MTUS2: variants seen among roughly 807,000 people sequenced by gnomAD.
The protein encoded by MTUS2 is microtubule-associated tumor suppressor candidate 2.
Under a neutral mutation model 114.1 loss-of-function variants are expected in MTUS2, and 40 were observed. The observed-to-expected ratio is 0.35, with a 90% CI of 0.27 to 0.46. The LOEUF is 0.46. Among genes scored for constraint, MTUS2 ranks in the 20% least tolerant of loss-of-function variants. The probability of loss-of-function intolerance (pLI) is 1.00; values close to 1 mark genes in which losing one functional copy is unlikely to be tolerated. For missense variants in MTUS2, 1,679 were observed against 1,705.4 expected (o/e 0.98, Z 0.27); for synonymous variants, 688 against 672.0 (o/e 1.02, Z -0.37).
intron 7 of MTUS2, chr13:29,339,765 G>T: frequency 6.1e-6 from 1 of 164,816 alleles, no homozygotes. Flanking sequence ...AGGAGGGGCC[G>T]GGTGCGGACC....
intron 2 of MTUS2, among the ~76,000 whole-genome samples, chr13:28,892,343 T>C (rs565869602): frequency 2.0e-5 from 3 of 152,134 alleles, no homozygotes; most frequent in Admixed American, 6.5e-5. Context: ...CCTGAGGTCT[T>C]GGTAAGCATT....
chr13:28,901,656 ATTAG>A (rs1480807316), intron 2 of MTUS2, among the ~76,000 whole-genome samples: 16 of 152,184 alleles, frequency 1.1e-4, no homozygotes, highest in Non-Finnish European at 5.9e-5. Context: ...GTTATCAAAT[ATTAG>A]TTAGGCATAT....
In MTUS2 at chr13:29,445,093, A is replaced by G. The variant is rs533634646; in HGVS notation, c.3184+5044A>G. ...CTTCTAGAAGGTCTGTAGTTTGCAT[A>G]GTGCCCTCTACCAGAGACTTGACTT... is the stretch of plus-strand genomic sequence containing the variant. On this transcript the variant is annotated intron_variant, in intron 9 of 15. Coordinates refer to ENST00000612955, the MANE Select transcript of MTUS2 (RefSeq NM_001033602.4). 9.3e-4 allele frequency among the ~76,000 whole-genome samples: 142 copies of G among 152,346 alleles called. 7 individuals carry two copies. The South Asian group carries it at 0.027, about 29-fold the overall frequency.
intron 5 of MTUS2, among the ~76,000 whole-genome samples, chr13:29,142,672 C>CTCCA (rs1045559436): frequency 1.3e-5 from 2 of 152,174 alleles, no homozygotes; most frequent in African/African-American, 4.8e-5. Context: ...TGCCACTGTA[C>CTCCA]TCCAGCCTGG....
intron 6 of MTUS2, among the ~76,000 whole-genome samples, chr13:29,313,782 G>A (rs551634501): frequency 1.3e-5 from 2 of 152,202 alleles, no homozygotes; most frequent in Non-Finnish European, 2.9e-5. Context: ...CAACGCTGGG[G>A]AAAAGGAGAA....
intron 2 of MTUS2, among the ~76,000 whole-genome samples, chr13:28,947,949 T>A (rs561677199): frequency 6.6e-6 from 1 of 152,340 alleles, no homozygotes; most frequent in Admixed American, 6.5e-5. Flanking sequence ...AGTGGCTTGC[T>A]TGAGACTGTA....
At chr13:29,153,250 C>A (rs2139046600) in intron 5 of MTUS2, among the ~76,000 whole-genome samples, 1 of 152,278 alleles carries the variant, frequency 6.6e-6, no homozygotes, top group Admixed American at 6.5e-5. Flanking sequence ...TCCTGTTAAC[C>A]TACCATCAGG....
intron 12 of MTUS2, among the ~76,000 whole-genome samples, chr13:29,493,710 C>G (rs993623175): frequency 1.6e-4 from 25 of 152,236 alleles, no homozygotes; most frequent in African/African-American, 5.1e-4. Flanking sequence ...GAACCCCAGA[C>G]TGCCTTCCTC....
rs1383945115 is a variant in MTUS2, at chr13:29,389,717, ATACATACATATG to A, written c.3117+30246_3117+30257del. 1.6e-4 allele frequency among the ~76,000 whole-genome samples: 18 copies of A among 109,248 alleles called. 1 individual carries two copies. Among genetic ancestry groups the A allele is most frequent in the African/African-American group, 5.2e-4 (16 of 30,790 alleles). The allele number at this position is 109,248 out of a possible 152,430, so 71.7% of individuals were successfully genotyped here. On this transcript the variant is annotated intron_variant, in intron 8 of 15. Transcript: ENST00000612955. The stretch of plus-strand genomic sequence containing the variant: ...TATGTGTATATGTGTATATGTATAT[ATACATACATATG>A]TGTGTATATGTATATACATACATAT...
chr13:29,136,619 T>C (rs1486226900), intron 5 of MTUS2, among the ~76,000 whole-genome samples: 1 of 152,060 alleles, frequency 6.6e-6, no homozygotes, highest in Non-Finnish European at 1.5e-5. Flanking sequence ...TCTCAGGGAG[T>C]TTCTGGATAG....
intron 2 of MTUS2, among the ~76,000 whole-genome samples, chr13:28,856,427 G>T (rs998376295): frequency 1.9e-4 from 29 of 152,204 alleles, no homozygotes; most frequent in African/African-American, 6.8e-4. Flanking sequence ...TCCTGAGACT[G>T]CAGTTCATAG....
intron 2 of MTUS2, among the ~76,000 whole-genome samples, chr13:28,931,372 G>A (rs887249648): frequency 3.9e-5 from 6 of 152,192 alleles, no homozygotes; most frequent in South Asian, 2.1e-4. Flanking sequence ...CTGGTGGGAG[G>A]TGATTGGATC....
chr13:28,917,647 A>G (rs1005475440), intron 2 of MTUS2, among the ~76,000 whole-genome samples: 4 of 150,594 alleles, frequency 2.7e-5, no homozygotes, highest in Admixed American at 6.6e-5. Flanking sequence ...AAATTTGTCA[A>G]TTTTATTTAT....
intron 2 of MTUS2, among the ~76,000 whole-genome samples, chr13:28,902,152 C>A (rs1879682871): frequency 6.6e-6 from 1 of 152,098 alleles, no homozygotes; most frequent in Non-Finnish European, 1.5e-5. Context: ...CATATAGAGA[C>A]ATGATTGATA....
At chr13:29,216,835 A>G (rs933624792) in intron 5 of MTUS2, among the ~76,000 whole-genome samples, 8 of 152,168 alleles carry the variant, frequency 5.3e-5, no homozygotes, top group Non-Finnish European at 8.8e-5. Flanking sequence ...ATGGCTGTAC[A>G]ATTTACAGCT....
chr13:29,238,966 G>C (rs1297462600), intron 5 of MTUS2, among the ~76,000 whole-genome samples: 2 of 152,082 alleles, frequency 1.3e-5, no homozygotes, highest in Non-Finnish European at 2.9e-5. Context: ...GGGGTAAATG[G>C]GGAGATCTTG....
chr13:28,948,459 G>A (rs1882644448), intron 2 of MTUS2, among the ~76,000 whole-genome samples: 1 of 152,088 alleles, frequency 6.6e-6, no homozygotes, highest in Non-Finnish European at 1.5e-5. Context: ...GCTAGGCAGC[G>A]ACATTCTCTG....
At chr13:29,407,370 C>T (rs1009847491) in intron 8 of MTUS2, among the ~76,000 whole-genome samples, 15 of 152,086 alleles carry the variant, frequency 9.9e-5, no homozygotes, top group African/African-American at 1.7e-4. Flanking sequence ...TATATTTAGA[C>T]GTGGAATTAC....
chr13:29,425,545 A>C (rs1457587884), intron 8 of MTUS2, among the ~76,000 whole-genome samples: 1 of 152,194 alleles, frequency 6.6e-6, no homozygotes, highest in African/African-American at 2.4e-5. Flanking sequence ...AGAAAAAGTA[A>C]AAAAATAGAA....
Sources: allele counts gnomAD v4.1 joint callset (sites outside exome capture counted in the v4.1 genomes callset), GRCh38; gene constraint gnomAD v4.1.1; transcripts MANE v1.5; gene names NCBI Gene and HGNC (gene_info 2026-07-23, HGNC 2026-07-21).